The following FIRRM variants were observed in gnomAD, a reference collection of about 807,000 sequenced individuals.
FIRRM encodes the protein FIGNL1 interacting regulator of recombination and mitosis, also known as FIGNL1-interacting regulator of recombination and mitosis.
chr1:169,844,253 GC>G, the FIRRM span, among the ~76,000 whole-genome samples: 37 of 152,346 alleles, frequency 2.4e-4, no homozygotes, highest in African/African-American at 8.2e-4. Flanking sequence ...GACAGGCAGA[GC>G]CTGGGTCACT....
At chr1:169,815,532 T>C in the FIRRM span, among the ~76,000 whole-genome samples, 2 of 152,174 alleles carry the variant, frequency 1.3e-5, no homozygotes, top group African/African-American at 4.8e-5. Context: ...GTGATGGAAC[T>C]GATGGGAGTA....
At chr1:169,843,563 A>G in the FIRRM span, 2 of 660,738 alleles carry the variant, frequency 3.0e-6, no homozygotes, top group South Asian at 3.7e-5. Flanking sequence ...GGTAATAAAT[A>G]TAAAATACTT....
the FIRRM span, among the ~76,000 whole-genome samples, chr1:169,823,934 A>C: frequency 6.6e-6 from 1 of 152,166 alleles, no homozygotes; most frequent in African/African-American, 2.4e-5. Context: ...AAGGTATCAA[A>C]ATTTAGATGG....
At chr1:169,848,522 TTAAA>T in the FIRRM span, among the ~76,000 whole-genome samples, 1 of 152,216 alleles carries the variant, frequency 6.6e-6, no homozygotes, top group African/African-American at 2.4e-5. Flanking sequence ...AACATGTAGA[TTAAA>T]CTCTTTGAAA....
the FIRRM span, among the ~76,000 whole-genome samples, chr1:169,816,397 C>CA: frequency 6.6e-6 from 1 of 152,142 alleles, no homozygotes; most frequent in Middle Eastern, 3.2e-3. Context: ...GAAAAACACT[C>CA]AAAAACACCT....
chr1:169,850,081 C>T, the FIRRM span: 2 of 581,512 alleles, frequency 3.4e-6, no homozygotes, highest in Non-Finnish European at 6.1e-6. Flanking sequence ...AACACTTGTA[C>T]AGAAGTTAAT....
chr1:169,811,243 C>T, the FIRRM span, among the ~76,000 whole-genome samples: 1 of 152,082 alleles, frequency 6.6e-6, no homozygotes. Flanking sequence ...ACTCTAATTC[C>T]TACTTATGTT....
chr1:169,799,812 A>G, the FIRRM span, among the ~76,000 whole-genome samples: 106,904 of 152,108 alleles, frequency 0.7, 37,774 homozygotes, highest in Middle Eastern at 0.85. Flanking sequence ...CTTGGCCTCC[A>G]TAAGTGCTGG....
At chr1:169,811,864 A>AT in the FIRRM span, among the ~76,000 whole-genome samples, 1 of 143,612 alleles carries the variant, frequency 7.0e-6, no homozygotes, top group Admixed American at 7.2e-5. Flanking sequence ...TAATAGATAG[A>AT]TAGATTAGAT....
the FIRRM span, chr1:169,852,829 G>A: frequency 1.9e-6 from 3 of 1,614,112 alleles, no homozygotes; most frequent in East Asian, 6.7e-5. Context: ...CCCCTGGGAA[G>A]AAGAGTACAG....
the FIRRM span, chr1:169,832,298 T>A: frequency 1.6e-6 from 1 of 624,014 alleles, no homozygotes. Flanking sequence ...AAGTCAATAT[T>A]ACCTACAATC....
the FIRRM span, among the ~76,000 whole-genome samples, chr1:169,844,552 T>C: frequency 6.6e-6 from 1 of 152,362 alleles, no homozygotes; most frequent in South Asian, 2.1e-4. Context: ...GGAATGAAAC[T>C]AGTAACAGCT....
chr1:169,843,917 CTCTT>C, the FIRRM span: 7 of 610,254 alleles, frequency 1.1e-5, no homozygotes, highest in South Asian at 1.2e-4. Context: ...TATCTCATTT[CTCTT>C]TCTTCCTTAC....
chr1:169,830,709 G>A, the FIRRM span: 3 of 1,613,812 alleles, frequency 1.9e-6, no homozygotes, highest in Admixed American at 3.3e-5. Context: ...TGGGACTGCT[G>A]AACTGTGTGC....
chr1:169,852,586 A>G, the FIRRM span: 1 of 584,044 alleles, frequency 1.7e-6, no homozygotes, highest in Non-Finnish European at 3.0e-6. Context: ...AGACACTGGT[A>G]GTAGCACTCT....
At chr1:169,799,192 A>G in the FIRRM span, among the ~76,000 whole-genome samples, 2 of 152,234 alleles carry the variant, frequency 1.3e-5, no homozygotes, top group African/African-American at 2.4e-5. Flanking sequence ...TTGATGATGT[A>G]TGTATAAACA....
chr1:169,823,470 C>G, the FIRRM span: 1 of 1,593,176 alleles, frequency 6.3e-7, no homozygotes, highest in Non-Finnish European at 8.6e-7. Flanking sequence ...TTCAGATACA[C>G]AGGTAAGAAG....
At chr1:169,852,694 A>T in the FIRRM span, 2 of 1,250,704 alleles carry the variant, frequency 1.6e-6, no homozygotes, top group Non-Finnish European at 2.3e-6. Context: ...TCCAATGACT[A>T]GAATAAAATT....
At chr1:169,794,649 G>C in the FIRRM span, 1 of 161,488 alleles carries the variant, frequency 6.2e-6, no homozygotes, top group African/African-American at 2.4e-5. Flanking sequence ...GGGGAGAGGC[G>C]GGTCACCCAG....
Sources: gnomAD v4.1 joint callset for allele counts (sites outside exome capture counted in the v4.1 genomes callset) on GRCh38, gnomAD v4.1.1 for gene constraint, MANE v1.5 for transcripts, NCBI Gene and HGNC (gene_info 2026-07-23, HGNC 2026-07-21) for gene names.